ITPR1: variants seen among roughly 807,000 people sequenced by gnomAD.
The protein encoded by ITPR1 is inositol 1,4,5-trisphosphate-gated calcium channel ITPR1.
ITPR1 carries 96 observed loss-of-function variants against 318.4 expected under a neutral mutation model. The observed-to-expected ratio is 0.30, with a 90% CI of 0.26 to 0.36. The LOEUF (loss-of-function observed/expected upper bound fraction) is 0.36. ITPR1 is among the 10% of genes least tolerant of loss of function. ITPR1 has a pLI of 1.00. For synonymous variants in ITPR1, 1,312 were observed against 1,289.9 expected, an observed-to-expected ratio of 1.02 and a Z score of -0.37; for missense variants, 2,440 against 3,460.2, an observed-to-expected ratio of 0.71 and a Z score of 7.40.
Position 4,710,525 on chromosome 3 carries a change from C to T in ITPR1, c.4991+52C>T, listed in dbSNP as rs747305364. 2.2e-5 allele frequency: 33 copies of T among 1,516,836 alleles called. No homozygotes were observed. The highest frequency in any genetic ancestry group is 1.0e-4 in the Admixed American group (5 of 49,266). The allele number at this position is 1,516,836 out of a possible 1,614,324, so 94.0% of individuals were successfully genotyped here. ...TCATTTGCCAGAACCTTGATGACCT[C>T]ACAAAGCTTTTGTTCCCGAAGAAGG... is the stretch of plus-strand genomic sequence containing the variant. On this transcript the variant is annotated intron_variant, in intron 38 of 61. Transcript: ENST00000649015. This position sits in a 1 kb window ranked among gnomAD's most constrained non-coding sequence, Gnocchi z 4.2.
chr3:4,827,814 GA>G (rs1170395601), intron 60 of ITPR1, among the ~76,000 whole-genome samples: 1 of 152,162 alleles, frequency 6.6e-6, no homozygotes, highest in Non-Finnish European at 1.5e-5. Flanking sequence ...AAGGGTTAAG[GA>G]ATTTGGAGAC....
chr3:4,751,731 C>A (rs535491103), intron 44 of ITPR1: 2 of 152,154 alleles, frequency 1.3e-5, no homozygotes, highest in African/African-American at 4.8e-5. Flanking sequence ...CTCTGAGTAA[C>A]GGGAGGGACT....
At chr3:4,567,510 A>T (rs1449710464) in intron 4 of ITPR1, among the ~76,000 whole-genome samples, 1 of 152,194 alleles carries the variant, frequency 6.6e-6, no homozygotes, top group Non-Finnish European at 1.5e-5. Flanking sequence ...GATTAGAGAT[A>T]GGCGAATGAA....
chr3:4,768,274 C>G (rs1054311683), intron 45 of ITPR1: 1 of 413,352 alleles, frequency 2.4e-6, no homozygotes, highest in Middle Eastern at 6.3e-4. Context: ...GGCTTTTCCT[C>G]TGAAACACAC....
chr3:4,773,800 C>T (rs1306160116), intron 46 of ITPR1, among the ~76,000 whole-genome samples: 1 of 152,238 alleles, frequency 6.6e-6, no homozygotes, highest in Non-Finnish European at 1.5e-5. Flanking sequence ...CGAGCCCACA[C>T]AGTCCCAAAT....
intron 61 of ITPR1, among the ~76,000 whole-genome samples, chr3:4,841,439 AG>A (rs1170791627): frequency 6.6e-6 from 1 of 152,228 alleles, no homozygotes; most frequent in Non-Finnish European, 1.5e-5. Context: ...AAGGAATGGC[AG>A]TATGGTCTGG....
rs563811072 is a variant in ITPR1 at position 4,638,385 on chromosome 3, T to C, written c.280-999T>C. Among the ~76,000 whole-genome samples the C allele has an allele frequency of 2.9e-3, 444 of 152,342 alleles. 4 individuals are homozygous for C. Among genetic ancestry groups the C allele is most frequent in the Non-Finnish European group, 4.7e-3 (322 of 68,026 alleles). On this transcript the variant is annotated intron_variant, in intron 5 of 61. Transcript: ENST00000649015. ...TGCCTGGGATGAAGCCCGTTGCCCT[T>C]TACCATTATTGTAGTGTGGTAACAG...
intron 2 of ITPR1, among the ~76,000 whole-genome samples, chr3:4,513,158 T>G (rs2081958630): frequency 6.6e-6 from 1 of 152,098 alleles, no homozygotes; most frequent in South Asian, 2.1e-4. Flanking sequence ...CAACAGGAAG[T>G]CTTCCAGAAG....
At chr3:4,803,312 C>G (rs2048361351) in intron 54 of ITPR1, among the ~76,000 whole-genome samples, 1 of 152,196 alleles carries the variant, frequency 6.6e-6, no homozygotes, top group Non-Finnish European at 1.5e-5. Flanking sequence ...TACTGCCACT[C>G]TGGGTCCCTT....
intron 44 of ITPR1, among the ~76,000 whole-genome samples, chr3:4,741,654 G>C (rs376688973): frequency 6.6e-6 from 1 of 152,088 alleles, no homozygotes; most frequent in Non-Finnish European, 1.5e-5. Flanking sequence ...GGAGGGACAC[G>C]TTGGTTGGGC....
intron 52 of ITPR1, among the ~76,000 whole-genome samples, chr3:4,790,897 C>T: frequency 6.6e-6 from 1 of 152,218 alleles, no homozygotes; most frequent in East Asian, 1.9e-4. Context: ...CTCTCTCTCA[C>T]CATCCCTCCC....
intron 4 of ITPR1, among the ~76,000 whole-genome samples, chr3:4,540,148 T>A (rs542347092): frequency 1.3e-5 from 2 of 151,826 alleles, no homozygotes; most frequent in East Asian, 3.9e-4. Context: ...CTCAGTTTTT[T>A]CTTTATGTAT....
chr3:4,683,329 G>T, intron 26 of ITPR1, 57 bp from the exon 27 acceptor site: 1 of 1,584,688 alleles, frequency 6.3e-7, no homozygotes, highest in Non-Finnish European at 8.7e-7. Flanking sequence ...GGCCCAAGGG[G>T]CGTGAGAGGA....
At chr3:4,624,318 A>C (rs1039555025) in intron 4 of ITPR1, among the ~76,000 whole-genome samples, 1 of 152,206 alleles carries the variant, frequency 6.6e-6, no homozygotes, top group Non-Finnish European at 1.5e-5. Context: ...AATATTTTAA[A>C]AAGTCATGTG....
chr3:4,577,699 C>T (rs1468364757), intron 4 of ITPR1, among the ~76,000 whole-genome samples: 2 of 152,254 alleles, frequency 1.3e-5, no homozygotes, highest in East Asian at 3.9e-4. Flanking sequence ...AAGTCGTGTC[C>T]TCTGTAACCT....
intron 60 of ITPR1, among the ~76,000 whole-genome samples, chr3:4,832,739 A>AAAAAGATGCATTATTTCT (rs2050606628): frequency 6.6e-6 from 1 of 152,270 alleles, no homozygotes; most frequent in African/African-American, 2.4e-5. Flanking sequence ...TGTACATTCT[A>AAAAAGATGCATTATTTCT]AAAAGATGCA....
In ITPR1 at chr3:4,670,946, G is replaced by A; in HGVS notation, c.2204+20G>A. On this transcript the variant is annotated intron_variant, in intron 20 of 61. Coordinates refer to ENST00000649015, the MANE Select transcript of ITPR1 (RefSeq NM_001378452.1). ...CTACAGGTGCGTGGGACACGTGTGG[G>A]GCTCAGATTGGGGTGCCCCAAAACA... is the stretch of plus-strand genomic sequence containing the variant. 1.3e-6 allele frequency: 2 copies of A among 1,501,162 alleles called. No individual in the cohort carries two copies. The highest frequency in any genetic ancestry group is 1.8e-6 in the Non-Finnish European group (2 of 1,123,128). 93.0% of individuals were successfully genotyped at this position (1,501,162 alleles called of 1,614,324 possible). A position where few individuals can be genotyped will look rare whatever the true frequency, so the allele number is the denominator to read the frequency against.
intron 4 of ITPR1, among the ~76,000 whole-genome samples, chr3:4,548,373 G>A (rs1414509696): frequency 6.6e-6 from 1 of 152,200 alleles, no homozygotes. Flanking sequence ...GAAAAGGGGT[G>A]TGCGTGTGTG....
At chr3:4,667,313 G>C in intron 17 of ITPR1, 64 bp from the exon 18 acceptor site, 1 of 1,282,660 alleles carries the variant, frequency 7.8e-7, no homozygotes, top group East Asian at 2.6e-5. Flanking sequence ...GCTTTCTTTA[G>C]TCTACGCTTA....
Sources: allele counts gnomAD v4.1 joint callset (sites outside exome capture counted in the v4.1 genomes callset), GRCh38; gene constraint gnomAD v4.1.1; non-coding constraint Gnocchi (gnomAD v3.1); transcripts MANE v1.5; gene names NCBI Gene and HGNC (gene_info 2026-07-23, HGNC 2026-07-21).